Variants in CACNA2D4 observed in about 807,000 individuals in gnomAD.
The protein encoded by CACNA2D4 is voltage-dependent calcium channel subunit alpha-2/delta-4.
In CACNA2D4, 157 loss-of-function variants were observed where a neutral mutation model predicts 163.8. The observed-to-expected ratio is 0.96, with a 90% CI of 0.84 to 1.09. CACNA2D4 has a LOEUF of 1.09. Ranked by LOEUF, CACNA2D4 falls within the 50% of genes least tolerant of loss-of-function variation. CACNA2D4 has a pLI of 0.00. For synonymous variants in CACNA2D4, 598 were observed against 586.9 expected (o/e 1.02, Z -0.27); for missense variants, 1,410 against 1,479.9 (o/e 0.95, Z 0.78).
rs1170423858 is a variant in CACNA2D4, at chr12:1,918,353, G to C, written c.121C>G (p.Pro41Ala). Reference protein sequence around the residue: ...SSRWIPLQPMPVAWAFVQKTS... With the variant: ...SSRWIPLQPMAVAWAFVQKTS... ...TTCTGCACAAAGGCCCAGGCCACGGGCATTGGCTGGAGGGGAATCCAGCGG... is the reference window on the plus strand; with the variant it reads ...TTCTGCACAAAGGCCCAGGCCACGGCCATTGGCTGGAGGGGAATCCAGCGG... Residue 41 changes from proline to alanine, a missense_variant, in exon 1 of 38, where the codon CCC becomes GCC. Transcript: ENST00000382722. 3 of 1,607,154 alleles carry C rather than the reference G, an allele frequency of 1.9e-6. No individual in the cohort carries two copies. In the African/African-American group the frequency reaches 4.0e-5, roughly 21 times the overall value.
intron 6 of CACNA2D4, among the ~76,000 whole-genome samples, chr12:1,896,826 T>C (rs988913184): frequency 6.6e-6 from 1 of 152,190 alleles, no homozygotes; most frequent in Admixed American, 6.5e-5. Flanking sequence ...AGAAATCTGT[T>C]TATCAAAGGT....
chr12:1,810,921 G>T (rs1863685213), intron 27 of CACNA2D4, among the ~76,000 whole-genome samples: 1 of 152,216 alleles, frequency 6.6e-6, no homozygotes, highest in South Asian at 2.1e-4. Flanking sequence ...GCCCTGGGTG[G>T]TGGAAGGGCC....
chr12:1,872,215 G>A (rs2154449152), intron 18 of CACNA2D4, among the ~76,000 whole-genome samples: 1 of 152,306 alleles, frequency 6.6e-6, no homozygotes, highest in African/African-American at 2.4e-5. Flanking sequence ...TGCAGATGGT[G>A]TGTGTTCTCT....
rs769086512 is a variant in CACNA2D4, at chr12:1,834,863, C to T, written c.2551+5876G>A. On this transcript the variant is annotated intron_variant, in intron 26 of 37. Transcript: ENST00000382722. The surrounding 1 kb of genome is among the most constrained non-coding windows in gnomAD (Gnocchi z 7.6). ...CCGCCCTCCAGCAGACAAGCCACACCGGGTTCTCTCCCTGCACTTTCGAGG... is the reference window on the plus strand; with the variant it reads ...CCGCCCTCCAGCAGACAAGCCACACTGGGTTCTCTCCCTGCACTTTCGAGG... 32 of 1,412,614 alleles carry T rather than the reference C, an allele frequency of 2.3e-5. No individual in the cohort carries two copies. The highest frequency in any genetic ancestry group is 2.6e-4 in the Middle Eastern group (1 of 3,860). The allele number at this position is 1,412,614 out of a possible 1,614,324, so 87.5% of individuals were successfully genotyped here.
intron 13 of CACNA2D4, among the ~76,000 whole-genome samples, chr12:1,882,532 G>A (rs1189804540): frequency 7.3e-5 from 11 of 151,266 alleles, no homozygotes; most frequent in Non-Finnish European, 1.5e-4. Flanking sequence ...TTTCTGTCCC[G>A]GGTGGGTGGG....
At chr12:1,861,733 A>G (rs964012567) in intron 18 of CACNA2D4, among the ~76,000 whole-genome samples, 10 of 151,950 alleles carry the variant, frequency 6.6e-5, no homozygotes, top group Admixed American at 3.9e-4. Flanking sequence ...GTGAGCCACC[A>G]TGCTCGGCCT....
intron 30 of CACNA2D4, 99 bp downstream of exon 30, chr12:1,801,475 G>T: frequency 9.7e-7 from 1 of 1,032,898 alleles, no homozygotes; most frequent in Non-Finnish European, 1.5e-6. Flanking sequence ...CCCACTGTGG[G>T]TTTTGGAGGT....
At chr12:1,859,728 T>C (rs1475337995) in intron 19 of CACNA2D4, among the ~76,000 whole-genome samples, 2 of 152,190 alleles carry the variant, frequency 1.3e-5, no homozygotes, top group Non-Finnish European at 2.9e-5. Context: ...GAGGCAGAGG[T>C]GACGCATCAG....
Position 1,797,521 on chromosome 12 carries a change from T to G in CACNA2D4, c.3010A>C (p.Lys1004Gln), listed in dbSNP as rs771505962. Reference protein sequence around the residue: ...SVFHHSHKHKKQDPLQPCDTE... With the variant: ...SVFHHSHKHKQQDPLQPCDTE... ...TCGCAGGGCTGCAGCGGGTCCTGCTTCTTGTGTTTGTGGGCTGCGGGCGGA... is the reference window on the plus strand; with the variant it reads ...TCGCAGGGCTGCAGCGGGTCCTGCTGCTTGTGTTTGTGGGCTGCGGGCGGA... The change falls in exon 35 of 38, where the codon AAG becomes CAG. Residue 1004 changes from lysine to glutamine, a missense_variant. Lys to Gln is a moderately conservative substitution (Grantham distance 53). Transcript: ENST00000382722. The G allele has an allele frequency of 2.4e-5, 37 of 1,570,528 alleles. No individual in the cohort carries two copies. The Admixed American group carries it at 6.3e-4, about 27-fold the overall frequency.
rs538647590 is a variant in CACNA2D4, at chr12:1,818,360, C to T, written c.2552-6637G>A. Among the ~76,000 whole-genome samples, 4 of 151,822 alleles carry T rather than the reference C, an allele frequency of 2.6e-5. No individual in the cohort carries two copies. In the East Asian group the frequency reaches 5.8e-4, roughly 22 times the overall value. On this transcript the variant is annotated intron_variant, in intron 26 of 37. Transcript: ENST00000382722. ...AAAGGTGGGGAAAAGATTGAGAAATCGGATGGTTGCCGTGTCTGTGTAGAA... is the reference window on the plus strand; with the variant it reads ...AAAGGTGGGGAAAAGATTGAGAAATTGGATGGTTGCCGTGTCTGTGTAGAA...
At chr12:1,895,018 T>C (rs1866368434) in intron 6 of CACNA2D4, among the ~76,000 whole-genome samples, 1 of 152,234 alleles carries the variant, frequency 6.6e-6, no homozygotes, top group African/African-American at 2.4e-5. Context: ...CTCTTAGATA[T>C]GATAAATACA....
intron 6 of CACNA2D4, among the ~76,000 whole-genome samples, chr12:1,888,913 A>G (rs1236049813): frequency 6.6e-6 from 1 of 152,230 alleles, no homozygotes; most frequent in Non-Finnish European, 1.5e-5. Context: ...AGATATCCAC[A>G]TATAGACACA....
chr12:1,809,068 T>C (rs74980847), intron 29 of CACNA2D4, among the ~76,000 whole-genome samples: 6,253 of 152,342 alleles, frequency 0.041, 188 homozygotes, highest in Middle Eastern at 0.088. Context: ...CTGCTGCTCG[T>C]TAAGTGGGTC....
chr12:1,884,162 G>T, intron 12 of CACNA2D4, 81 bp downstream of exon 12: 2 of 1,278,932 alleles, frequency 1.6e-6, no homozygotes, highest in Non-Finnish European at 2.2e-6. Context: ...GGAAGCCCGT[G>T]CTCAGCACTT....
chr12:1,849,233 C>T (rs1308907403), intron 23 of CACNA2D4, among the ~76,000 whole-genome samples: 2 of 152,216 alleles, frequency 1.3e-5, no homozygotes, highest in Non-Finnish European at 1.5e-5. Context: ...AGAAATACAT[C>T]ATGAGTTCAA....
intron 18 of CACNA2D4, among the ~76,000 whole-genome samples, chr12:1,865,002 C>A (rs1000244040): frequency 4.6e-5 from 7 of 152,162 alleles, no homozygotes; most frequent in Non-Finnish European, 1.0e-4. Context: ...GTGGGCGCCG[C>A]GCTCCCGCTG....
rs145452666 is a variant in CACNA2D4, at chr12:1,797,675, G to A, written c.2996-140C>T. On this transcript the variant is annotated intron_variant, in intron 34 of 37. Coordinates refer to ENST00000382722, the MANE Select transcript of CACNA2D4 (RefSeq NM_172364.5). ...TCAGGCAGTTCTCAGGACACGCGTGGGAGGAGCCGGGCGGGGGGTGAGGGG... is the reference window on the plus strand; with the variant it reads ...TCAGGCAGTTCTCAGGACACGCGTGAGAGGAGCCGGGCGGGGGGTGAGGGG... 1.0e-3 allele frequency: 750 copies of A among 716,066 alleles called. 4 individuals carry two copies. The African/African-American group carries it at 0.012, about 11-fold the overall frequency. 44.4% of individuals were successfully genotyped at this position (716,066 alleles called of 1,614,324 possible). A position where few individuals can be genotyped will look rare whatever the true frequency, so the allele number is the denominator to read the frequency against.
chr12:1,880,031 A>G (rs61085710), intron 13 of CACNA2D4, 150 bp from the exon 14 acceptor site: 84,309 of 578,794 alleles, frequency 0.15, 10,210 homozygotes, highest in African/African-American at 0.5. Context: ...CCAAATGAGG[A>G]TTCCCTTCTC....
At chr12:1,804,162 TG>T (rs1770283453) in intron 29 of CACNA2D4, among the ~76,000 whole-genome samples, 3 of 150,036 alleles carry the variant, frequency 2.0e-5, no homozygotes, top group African/African-American at 7.4e-5. Context: ...TGTGTGTGTG[TG>T]TCCCCTCCGT....
Sources: allele counts gnomAD v4.1 joint callset (sites outside exome capture counted in the v4.1 genomes callset), GRCh38; gene constraint gnomAD v4.1.1; non-coding constraint Gnocchi (gnomAD v3.1); transcripts MANE v1.5; gene names NCBI Gene and HGNC (gene_info 2026-07-23, HGNC 2026-07-21).